UBE3A: variants seen among roughly 807,000 people sequenced by gnomAD.
UBE3A encodes the protein ubiquitin protein ligase E3A.
UBE3A carries 6 observed loss-of-function variants against 83.4 expected under a neutral mutation model. The observed-to-expected ratio is 0.07, with a 90% CI of 0.04 to 0.14. UBE3A has a LOEUF of 0.14. Ranked by LOEUF, UBE3A falls within the 10% of genes least tolerant of loss-of-function variation. UBE3A has a pLI of 1.00. For synonymous variants in UBE3A, 337 were observed against 355.4 expected, an observed-to-expected ratio of 0.95 and a Z score of 0.58; for missense variants, 456 against 1,036.1, an observed-to-expected ratio of 0.44 and a Z score of 7.69.
At chr15:25,375,958 A>G (rs1450468449) in intron 4 of UBE3A, among the ~76,000 whole-genome samples, 195 bp from the exon 5 acceptor site, 11 of 152,188 alleles carry the variant, frequency 7.2e-5, no homozygotes, top group Admixed American at 2.0e-4. Context: ...ATTTTCTAGG[A>G]TATTATGATA....
Position 25,438,867 on chromosome 15 carries a change from G to A in UBE3A, c.-543C>T, listed in dbSNP as rs996923345. On this transcript the variant is annotated 5_prime_UTR_variant, in exon 1 of 13. Coordinates refer to ENST00000648336, the MANE Select transcript of UBE3A (RefSeq NM_130839.5). ...ATGGCGGGCGCCCGCGCTGGCGGATGGCTACGCGGCGGAGGGGTGCGCGAG... is the reference window on the plus strand; with the variant it reads ...ATGGCGGGCGCCCGCGCTGGCGGATAGCTACGCGGCGGAGGGGTGCGCGAG... 8 of 152,896 alleles carry A rather than the reference G, an allele frequency of 5.2e-5. No homozygotes were observed. Among genetic ancestry groups the A allele is most frequent in the African/African-American group, 1.7e-4 (7 of 41,476 alleles). 9.5% of individuals were successfully genotyped at this position (152,896 alleles called of 1,614,324 possible).
At chr15:25,413,191 T>A (rs1016994576) in intron 1 of UBE3A, among the ~76,000 whole-genome samples, 2 of 152,126 alleles carry the variant, frequency 1.3e-5, no homozygotes, top group African/African-American at 4.8e-5. Context: ...CCAGACATAG[T>A]TCTCTTACTT....
intron 11 of UBE3A, among the ~76,000 whole-genome samples, chr15:25,349,101 G>A (rs1237816607): frequency 6.6e-6 from 1 of 152,184 alleles, no homozygotes; most frequent in Non-Finnish European, 1.5e-5. Context: ...GAACAGAATG[G>A]AGAATCCAGA....
intron 6 of UBE3A, among the ~76,000 whole-genome samples, chr15:25,362,133 T>C (rs1440552011): frequency 2.0e-5 from 3 of 152,198 alleles, no homozygotes; most frequent in Non-Finnish European, 4.4e-5. Flanking sequence ...GATGTACAGA[T>C]GGATAAGCAT....
chr15:25,344,072 G>T (rs924702323), intron 11 of UBE3A, among the ~76,000 whole-genome samples: 4 of 152,134 alleles, frequency 2.6e-5, no homozygotes, highest in Admixed American at 6.5e-5. Context: ...AATTACACAT[G>T]CATCTACCAT....
At chr15:25,412,445 T>C (rs976839115) in intron 1 of UBE3A, among the ~76,000 whole-genome samples, 4 of 152,174 alleles carry the variant, frequency 2.6e-5, no homozygotes, top group Non-Finnish European at 5.9e-5. Context: ...TGTCAGGTTA[T>C]TGTAGCAGAG....
chr15:25,399,024 C>G (rs1341297742), intron 4 of UBE3A, among the ~76,000 whole-genome samples: 1 of 151,432 alleles, frequency 6.6e-6, no homozygotes, highest in Non-Finnish European at 1.5e-5. Context: ...AATGTCTATT[C>G]AAGTCCTTTG....
intron 7 of UBE3A, among the ~76,000 whole-genome samples, chr15:25,357,993 C>G (rs529332566): frequency 6.7e-6 from 1 of 150,008 alleles, no homozygotes; most frequent in Non-Finnish European, 1.5e-5. Flanking sequence ...CTCCGCCTCC[C>G]GGGTTCATGC....
chr15:25,417,372 T>C (rs996353956), intron 1 of UBE3A, among the ~76,000 whole-genome samples: 5 of 151,946 alleles, frequency 3.3e-5, no homozygotes, highest in African/African-American at 1.2e-4. Context: ...AAACAAAATC[T>C]AGACACCCAA....
chr15:25,387,205 C>A (rs1181116914), intron 4 of UBE3A, among the ~76,000 whole-genome samples: 57 of 152,076 alleles, frequency 3.7e-4, no homozygotes, highest in Admixed American at 3.7e-3. Context: ...AAGAAACATA[C>A]AACACTGATG....
At chr15:25,377,566 T>G (rs574563129) in intron 4 of UBE3A, among the ~76,000 whole-genome samples, 90 of 152,282 alleles carry the variant, frequency 5.9e-4, no homozygotes, top group African/African-American at 2.1e-3. Context: ...TACCCTTCAG[T>G]AAAGAAAGGG....
intron 1 of UBE3A, among the ~76,000 whole-genome samples, chr15:25,422,579 A>G (rs552931402): frequency 1.6e-4 from 25 of 152,320 alleles, no homozygotes; most frequent in African/African-American, 6.0e-4. Flanking sequence ...TGCAATCCAG[A>G]TCTAAACCAT....
rs1291981312 is a variant in UBE3A, at chr15:25,334,031, G to T, written c.*5106C>A. Reference sequence around the variant, plus strand: ...CTGAATGCTTTCCCCTTAAAATCAGGAACAAGAAAAAGATGTCTGCTCTTG... The same window carrying T: ...CTGAATGCTTTCCCCTTAAAATCAGTAACAAGAAAAAGATGTCTGCTCTTG... On this transcript the variant is annotated 3_prime_UTR_variant, in exon 13 of 13. Coordinates refer to ENST00000648336, the MANE Select transcript of UBE3A (RefSeq NM_130839.5). The T allele has an allele frequency of 6.6e-6, 1 of 151,696 alleles. No homozygotes were observed. The highest frequency in any genetic ancestry group is 1.9e-4 in the East Asian group (1 of 5,170). The allele number at this position is 151,696 out of a possible 1,614,324, so 9.4% of individuals were successfully genotyped here.
chr15:25,372,869 T>A (rs960449318), intron 5 of UBE3A, among the ~76,000 whole-genome samples: 5 of 152,096 alleles, frequency 3.3e-5, no homozygotes, highest in Non-Finnish European at 4.4e-5. Context: ...GTACAACATG[T>A]AGAATTTTTA....
At chr15:25,373,429 A>T (rs2080640481) in intron 5 of UBE3A, 1 of 152,174 alleles carries the variant, frequency 6.6e-6, no homozygotes, top group Non-Finnish European at 1.5e-5. Context: ...TGATTCTGAC[A>T]GTCTACTAAT....
At position 25,339,271 on chromosome 15, in the gene UBE3A, A is replaced by C. The variant is rs759506531; in HGVS notation, c.2499-14T>G. 1.2e-6 allele frequency: 2 copies of C among 1,610,778 alleles called. No homozygotes were observed. Among genetic ancestry groups the C allele is most frequent in the African/African-American group, 2.7e-5 (2 of 74,966 alleles). On this transcript the variant is annotated splice_polypyrimidine_tract_variant and intron_variant, in intron 12 of 12. Transcript: ENST00000648336. The stretch of plus-strand genomic sequence containing the variant: ...GATGTAGGTAACCTAAATAGAGAAA[A>C]GGGGAAAAAAACAGGAAAACTGTAA...
chr15:25,399,343 T>C (rs1429931944), intron 4 of UBE3A, among the ~76,000 whole-genome samples: 1 of 152,152 alleles, frequency 6.6e-6, no homozygotes, highest in Non-Finnish European at 1.5e-5. Flanking sequence ...TCAGGTCTTA[T>C]ATTTAAGACC....
At chr15:25,347,608 G>A (rs931216584) in intron 11 of UBE3A, among the ~76,000 whole-genome samples, 3 of 152,176 alleles carry the variant, frequency 2.0e-5, no homozygotes, top group Non-Finnish European at 4.4e-5. Context: ...GCTGAGGCGG[G>A]AGGATTGCTT....
chr15:25,398,209 A>G (rs1391080571), intron 4 of UBE3A, among the ~76,000 whole-genome samples: 1 of 151,770 alleles, frequency 6.6e-6, no homozygotes, highest in Non-Finnish European at 1.5e-5. Flanking sequence ...AACAAAAAAA[A>G]GGATACATAT....
Sources: gnomAD v4.1 joint callset for allele counts (sites outside exome capture counted in the v4.1 genomes callset) on GRCh38, gnomAD v4.1.1 for gene constraint, MANE v1.5 for transcripts, NCBI Gene and HGNC (gene_info 2026-07-23, HGNC 2026-07-21) for gene names.